The following TOX2 variants were observed in gnomAD, a reference collection of about 807,000 sequenced individuals.
TOX2 encodes granulosa cell HMG box 1.
A neutral mutation model predicts 47.4 loss-of-function variants in TOX2; 15 were observed. The observed-to-expected ratio is 0.32, with a 90% CI of 0.21 to 0.49. The LOEUF (loss-of-function observed/expected upper bound fraction) is 0.49, where lower values mean the gene tolerates loss of function less well. Among genes scored for constraint, TOX2 ranks in the 20% least tolerant of loss-of-function variants. The pLI is 0.99. For synonymous variants in TOX2, 290 were observed against 296.6 expected (o/e 0.98, Z 0.23); for missense variants, 622 against 673.1 (o/e 0.92, Z 0.84).
chr20:43,986,256 A>AATGTATGTATGTATGTATGTATGTATGT (rs11274396), intron 2 of TOX2, among the ~76,000 whole-genome samples: 26 of 149,780 alleles, frequency 1.7e-4, no homozygotes, highest in Admixed American at 4.0e-4. Context: ...AGCCTTTTAA[A>AATGTATGTATGTATGTATGTATGTATGT]ATGTATGTAT....
At chr20:44,002,701 A>G (rs2070605239) in intron 2 of TOX2, among the ~76,000 whole-genome samples, 1 of 152,192 alleles carries the variant, frequency 6.6e-6, no homozygotes, top group African/African-American at 2.4e-5. Context: ...ATGAGGCCTC[A>G]GGAAGCTTTT....
intron 5 of TOX2, among the ~76,000 whole-genome samples, chr20:44,061,278 G>T (rs1472369482): frequency 2.6e-5 from 4 of 152,058 alleles, no homozygotes; most frequent in African/African-American, 4.8e-5. Flanking sequence ...TAGATTCAGA[G>T]CTGAATTCTA....
At position 43,946,048 on chromosome 20, in the gene TOX2, G is replaced by A. The variant is rs563868669; in HGVS notation, c.100-27319G>A. 16 of 1,613,288 alleles carry A rather than the reference G, an allele frequency of 9.9e-6. No homozygotes were observed. The East Asian group carries it at 1.6e-4, about 16-fold the overall frequency. ...TGTGTTTCCGCAGAAGGTAAGCAGC[G>A]GGTGCCCACCGCCCCATGAGGTGGA... On this transcript the variant is annotated intron_variant, in intron 1 of 8. Coordinates refer to ENST00000341197, the MANE Select transcript of TOX2 (RefSeq NM_001098797.2).
intron 2 of TOX2, among the ~76,000 whole-genome samples, chr20:43,981,170 T>G (rs2070162683): frequency 6.6e-6 from 1 of 152,198 alleles, no homozygotes; most frequent in Non-Finnish European, 1.5e-5. Flanking sequence ...GATAACACAC[T>G]CGGTTGGAGT....
chr20:43,932,405 A>G (rs550693627), intron 1 of TOX2, among the ~76,000 whole-genome samples: 1 of 152,330 alleles, frequency 6.6e-6, no homozygotes, highest in Non-Finnish European at 1.5e-5. Flanking sequence ...TATGTTTGCC[A>G]TTGTGGTACG....
At chr20:43,929,194 A>G (rs984870866) in intron 1 of TOX2, among the ~76,000 whole-genome samples, 16 of 152,128 alleles carry the variant, frequency 1.1e-4, no homozygotes, top group East Asian at 7.7e-4. Context: ...AAAAACAGGG[A>G]AAAAAACCCC....
chr20:43,951,702 A>ATTTT (rs2069569009), intron 1 of TOX2, among the ~76,000 whole-genome samples: 1 of 38,672 alleles, frequency 2.6e-5, no homozygotes, highest in Admixed American at 2.7e-4. Flanking sequence ...TATTAAACTT[A>ATTTT]TTATGTTTTT....
At chr20:43,941,807 A>G (rs6093899) in intron 1 of TOX2, among the ~76,000 whole-genome samples, 7,745 of 152,148 alleles carry the variant, frequency 0.051, 546 homozygotes, top group African/African-American at 0.16. Flanking sequence ...ATGTGATAGG[A>G]TGGGAGGTTC....
chr20:44,033,113 T>G (rs1434350236), intron 3 of TOX2, among the ~76,000 whole-genome samples: 1 of 152,140 alleles, frequency 6.6e-6, no homozygotes, highest in East Asian at 1.9e-4. Flanking sequence ...CAGGAGAAAT[T>G]TGTCAGCGTG....
chr20:44,052,466 C>T (rs1444431218), intron 4 of TOX2, among the ~76,000 whole-genome samples: 6 of 152,296 alleles, frequency 3.9e-5, no homozygotes, highest in Middle Eastern at 3.4e-3. Flanking sequence ...GTCCTTTCCA[C>T]GTGGTGGCCT....
At chr20:44,053,487 CAT>C (rs1259451547) in intron 4 of TOX2, among the ~76,000 whole-genome samples, 75 of 146,650 alleles carry the variant, frequency 5.1e-4, no homozygotes, top group African/African-American at 1.9e-3. Context: ...TATATACACA[CAT>C]ATATATACAG....
intron 1 of TOX2, among the ~76,000 whole-genome samples, chr20:43,950,400 TG>T (rs1344025778): frequency 6.6e-6 from 1 of 152,186 alleles, no homozygotes; most frequent in Admixed American, 6.5e-5. Context: ...GAAAAAGTGC[TG>T]GCTTCCTCTT....
chr20:44,045,565 G>A (rs2071399220), intron 3 of TOX2, among the ~76,000 whole-genome samples: 2 of 152,182 alleles, frequency 1.3e-5, no homozygotes, highest in African/African-American at 4.8e-5. Flanking sequence ...TAGGATATCT[G>A]CATCTTCAAT....
intron 1 of TOX2, among the ~76,000 whole-genome samples, chr20:43,935,801 C>A (rs1260764157): frequency 6.6e-6 from 1 of 151,854 alleles, no homozygotes; most frequent in Non-Finnish European, 1.5e-5. Flanking sequence ...GTGGTGCATG[C>A]CTGTAATCCT....
At chr20:44,053,439 T>TATACACAC (rs373458500) in intron 4 of TOX2, among the ~76,000 whole-genome samples, 4,668 of 142,908 alleles carry the variant, frequency 0.033, 97 homozygotes, top group Non-Finnish European at 0.043. Context: ...GGCAGATATA[T>TATACACAC]ACACACACAC....
chr20:44,039,402 T>A (rs1204136883), intron 3 of TOX2, among the ~76,000 whole-genome samples: 1 of 152,056 alleles, frequency 6.6e-6, no homozygotes, highest in Non-Finnish European at 1.5e-5. Flanking sequence ...CCCTGGGAGC[T>A]GCTGAGAGAT....
chr20:43,934,333 T>C (rs957726126), intron 1 of TOX2, among the ~76,000 whole-genome samples: 6 of 151,872 alleles, frequency 4.0e-5, no homozygotes, highest in African/African-American at 1.5e-4. Flanking sequence ...CATCACAGGA[T>C]GGGTATTTCA....
intron 1 of TOX2, among the ~76,000 whole-genome samples, chr20:43,922,145 G>C (rs1306099911): frequency 2.0e-5 from 3 of 152,106 alleles, no homozygotes; most frequent in African/African-American, 7.2e-5. Flanking sequence ...GCCTTCTATT[G>C]TTGCTGCAAA....
intron 1 of TOX2, among the ~76,000 whole-genome samples, chr20:43,931,485 G>A (rs2069252132): frequency 1.3e-5 from 2 of 152,168 alleles, no homozygotes; most frequent in African/African-American, 4.8e-5. Flanking sequence ...CCTCCTGGAG[G>A]CTTTCACTGC....
Sources: allele counts gnomAD v4.1 joint callset (sites outside exome capture counted in the v4.1 genomes callset), GRCh38; gene constraint gnomAD v4.1.1; transcripts MANE v1.5; gene names NCBI Gene and HGNC (gene_info 2026-07-23, HGNC 2026-07-21).